The following CYP46A1 variants were observed in gnomAD, a reference collection of about 807,000 sequenced individuals.
CYP46A1 encodes cytochrome P450 family 46 subfamily A member 1.
In CYP46A1, 20 loss-of-function variants were observed where a neutral mutation model predicts 63.3. The observed-to-expected ratio is 0.32, with a 90% confidence interval of 0.22 to 0.46. The LOEUF is 0.46. Among genes scored for constraint, CYP46A1 ranks in the 20% least tolerant of loss-of-function variants. The pLI is 1.00. For synonymous variants in CYP46A1, 268 were observed against 273.6 expected, an observed-to-expected ratio of 0.98 and a Z score of 0.20; for missense variants, 445 against 670.8, an observed-to-expected ratio of 0.66 and a Z score of 3.72.
At chr14:99,688,533 C>T (rs1429846469) in intron 1 of CYP46A1, among the ~76,000 whole-genome samples, 2 of 152,180 alleles carry the variant, frequency 1.3e-5, no homozygotes, top group African/African-American at 4.8e-5. Flanking sequence ...GTAGCCCAGG[C>T]CAACCTGCCC....
In CYP46A1 at chr14:99,721,971, C is replaced by G. The variant is rs774871671; in HGVS notation, c.1081C>G (p.Leu361Val). 6.2e-7 allele frequency: 1 copy of G among 1,613,558 alleles called. No individual in the cohort carries two copies. The highest frequency in any genetic ancestry group is 8.5e-7 in the Non-Finnish European group (1 of 1,179,710). ...QYLSQVLKES[L>V]RLYPPAWGTF... ...GCTTCTCTAGGTCCTCAAAGAGTCG[C>G]TGAGGCTGTACCCACCAGCATGGGG... Residue 361 changes from leucine to valine, a missense_variant, in exon 12 of 15, where the codon CTG (leucine) becomes GTG (valine). By Grantham distance (32) the Leu-to-Val change is conservative (BLOSUM62 1). Around this residue, in one of 4 missense-constraint regions of CYP46A1, gnomAD observed 95 missense variants for 156.9 expected, o/e 0.61. Transcript: ENST00000261835.
At chr14:99,716,064 G>C in intron 8 of CYP46A1, 73 bp from the exon 9 acceptor site, 1 of 1,608,376 alleles carries the variant, frequency 6.2e-7, no homozygotes, top group South Asian at 1.1e-5. Flanking sequence ...GAGAAACACA[G>C]TTAGTTATTT....
At chr14:99,713,698 G>A (rs2056757231) in intron 7 of CYP46A1, among the ~76,000 whole-genome samples, 1 of 151,856 alleles carries the variant, frequency 6.6e-6, no homozygotes, top group Non-Finnish European at 1.5e-5. Context: ...GGCCAACGTG[G>A]TGAAACCCTG....
Position 99,726,617 on chromosome 14 carries a change from G to A in CYP46A1, c.1393G>A (p.Gly465Arg). Residue 465 changes from glycine (G) to arginine (R), a missense_variant, in exon 15 of 15, where the codon GGG (glycine) becomes AGG (arginine). This residue lies in a region of CYP46A1 where 85 missense variants were observed against 80.1 expected (regional missense o/e 1.06). Transcript: ENST00000261835. ...GAGGCTGGAGTTCCGGCTGGTGCCC[G>A]GGCAGCGCTTCGGGCTGCAGGAGCA... ...LQRLEFRLVP[G>R]QRFGLQEQAT... The A allele has an allele frequency of 6.3e-7, 1 of 1,576,210 alleles. No individual in the cohort carries two copies. The highest frequency in any genetic ancestry group is 8.6e-7 in the Non-Finnish European group (1 of 1,163,410).
intron 5 of CYP46A1, among the ~76,000 whole-genome samples, chr14:99,700,874 C>A (rs2056625166): frequency 6.6e-6 from 1 of 152,142 alleles, no homozygotes; most frequent in Non-Finnish European, 1.5e-5. Context: ...GATGACAGCT[C>A]CATGCCTGTT....
intron 7 of CYP46A1, chr14:99,709,315 C>G (rs11624593): frequency 0.77 from 117,825 of 152,156 alleles, 46,093 homozygotes; most frequent in South Asian, 0.91. Context: ...AACAATTCAT[C>G]ACCTGAATGA....
chr14:99,722,417 T>G lies in CYP46A1; in HGVS notation c.1176+351T>G, dbSNP rs1366734216. Among the ~76,000 whole-genome samples the G allele has an allele frequency of 1.3e-5, 2 of 152,126 alleles. No individual in the cohort carries two copies. On this transcript the variant is annotated intron_variant, in intron 12 of 14. Coordinates refer to ENST00000261835, the MANE Select transcript of CYP46A1 (RefSeq NM_006668.2). The surrounding 1 kb of genome is among the most constrained non-coding windows in gnomAD (Gnocchi z 4.6). ...CACAGTTGACCCAAACTTGTCCTGG[T>G]TCCTTCTCTCCTCACGTTTTACAGC...
At chr14:99,700,927 G>C (rs751920341) in intron 5 of CYP46A1, among the ~76,000 whole-genome samples, 6 of 152,202 alleles carry the variant, frequency 3.9e-5, no homozygotes, top group African/African-American at 9.7e-5. Context: ...TGCGGAGGTG[G>C]AAGGCAGTGA....
At chr14:99,694,649 A>C (rs2056572574) in intron 3 of CYP46A1, among the ~76,000 whole-genome samples, 1 of 151,684 alleles carries the variant, frequency 6.6e-6, no homozygotes, top group Non-Finnish European at 1.5e-5. Flanking sequence ...ACAGGCGCCC[A>C]CCACTGCACG....
At chr14:99,694,371 C>CTTTTTT (rs74872295) in intron 3 of CYP46A1, among the ~76,000 whole-genome samples, 3 of 86,294 alleles carry the variant, frequency 3.5e-5, no homozygotes, top group Non-Finnish European at 7.2e-5. Flanking sequence ...TTTGGGTTTT[C>CTTTTTT]TTTTTTTTTT....
intron 7 of CYP46A1, chr14:99,708,156 G>A: frequency 8.6e-6 from 2 of 231,510 alleles, no homozygotes; most frequent in South Asian, 5.3e-5. Flanking sequence ...CCCACTGCCA[G>A]CACCCGTGCG....
In CYP46A1 at chr14:99,691,078, T is replaced by C. The variant is rs372283816; in HGVS notation, c.120-3T>C. On this transcript the variant is annotated splice_region_variant and splice_polypyrimidine_tract_variant and intron_variant, in intron 1 of 14. Transcript: ENST00000261835. ...TAAGCCTAATGTTTCCTGTTTCTTC[T>C]AGTTTCCTTCTAGGACACCTCCCCT... The C allele has an allele frequency of 8.2e-5, 132 of 1,613,934 alleles. No individual in the cohort carries two copies. Among genetic ancestry groups the C allele is most frequent in the Non-Finnish European group, 1.1e-4 (127 of 1,179,928 alleles).
Position 99,684,546 on chromosome 14 carries a change from G to C in CYP46A1, c.119+10G>C. On this transcript the variant is annotated intron_variant, in intron 1 of 14. Coordinates refer to ENST00000261835, the MANE Select transcript of CYP46A1 (RefSeq NM_006668.2). Reference sequence around the variant, plus strand: ...GGCCGCCGCGGCCCAGGTGAGCGGGGCTGGGGGCGGGGCCTGGCTGGGGTG... The same window carrying C: ...GGCCGCCGCGGCCCAGGTGAGCGGGCCTGGGGGCGGGGCCTGGCTGGGGTG... 1 of 1,454,818 alleles carries C rather than the reference G, an allele frequency of 6.9e-7. No homozygotes were observed. Among genetic ancestry groups the C allele is most frequent in the Non-Finnish European group, 9.0e-7 (1 of 1,107,788 alleles). The allele number at this position is 1,454,818 out of a possible 1,614,324, so 90.1% of individuals were successfully genotyped here.
At chr14:99,689,138 A>G (rs985031006) in intron 1 of CYP46A1, among the ~76,000 whole-genome samples, 3 of 152,138 alleles carry the variant, frequency 2.0e-5, no homozygotes, top group African/African-American at 4.8e-5. Flanking sequence ...TCTCTAGCCT[A>G]CAGCCCTTCC....
chr14:99,704,716 G>C (rs1370119740), intron 5 of CYP46A1, among the ~76,000 whole-genome samples: 1 of 152,178 alleles, frequency 6.6e-6, no homozygotes, highest in African/African-American at 2.4e-5. Context: ...AAATCATCTT[G>C]CAAATAAATA....
At chr14:99,699,182 G>T (rs1176047282) in intron 3 of CYP46A1, among the ~76,000 whole-genome samples, 1 of 152,120 alleles carries the variant, frequency 6.6e-6, no homozygotes, top group African/African-American at 2.4e-5. Context: ...AGGTGACATG[G>T]TATGGGGTTC....
chr14:99,714,204 C>A (rs1270982259), intron 7 of CYP46A1, among the ~76,000 whole-genome samples: 1 of 151,976 alleles, frequency 6.6e-6, no homozygotes, highest in Non-Finnish European at 1.5e-5. Context: ...TGGCTATTAT[C>A]AAAATGACAA....
chr14:99,689,650 A>G (rs2056526143), intron 1 of CYP46A1, among the ~76,000 whole-genome samples: 1 of 152,146 alleles, frequency 6.6e-6, no homozygotes, highest in South Asian at 2.1e-4. Flanking sequence ...ACACAGAGTC[A>G]TCCTCACACC....
intron 1 of CYP46A1, among the ~76,000 whole-genome samples, chr14:99,687,901 T>A (rs905312931): frequency 3.9e-5 from 6 of 152,106 alleles, no homozygotes; most frequent in African/African-American, 1.4e-4. Flanking sequence ...GGTGTTAGCC[T>A]TACCTGCTTG....
Sources: gnomAD v4.1 joint callset for allele counts (sites outside exome capture counted in the v4.1 genomes callset) on GRCh38, gnomAD v4.1.1 for gene constraint, gnomAD v4.1.1 regional missense constraint, Gnocchi (gnomAD v3.1) non-coding constraint, MANE v1.5 for transcripts, NCBI Gene and HGNC (gene_info 2026-07-23, HGNC 2026-07-21) for gene names.